CEP57L1: variants seen among roughly 807,000 people sequenced by gnomAD.
The protein encoded by CEP57L1 is centrosomal protein 57 like 1.
In CEP57L1, 37 loss-of-function variants were observed where a neutral mutation model predicts 61.0. That is an observed-to-expected ratio of 0.61 (90% CI 0.47 to 0.80). CEP57L1 has a LOEUF of 0.80. Among genes scored for constraint, CEP57L1 ranks in the 30% least tolerant of loss-of-function variants. CEP57L1 has a pLI of 0.00. For synonymous variants in CEP57L1, 137 were observed against 162.3 expected (o/e 0.84, Z 1.19); for missense variants, 422 against 524.7 (o/e 0.80, Z 1.91).
At chr6:109,117,433 T>C (rs996362384) in intron 1 of CEP57L1, among the ~76,000 whole-genome samples, 4 of 152,224 alleles carry the variant, frequency 2.6e-5, no homozygotes, top group Admixed American at 2.6e-4. Context: ...CCTGAGGCTG[T>C]CTTAGCTAGG....
At chr6:109,132,933 A>G (rs371385974) in intron 1 of CEP57L1, among the ~76,000 whole-genome samples, 97 of 151,856 alleles carry the variant, frequency 6.4e-4, no homozygotes, top group African/African-American at 2.1e-3. Flanking sequence ...TATTTTTTCT[A>G]TTGGGTTTTG....
chr6:109,103,444 A>G (rs1386085606), intron 1 of CEP57L1, among the ~76,000 whole-genome samples: 1 of 152,202 alleles, frequency 6.6e-6, no homozygotes, highest in Non-Finnish European at 1.5e-5. Flanking sequence ...GAATTCCTTA[A>G]CAAGATTGAT....
chr6:109,164,651 C>G lies in CEP57L1; in HGVS notation c.*1681C>G, dbSNP rs1326127175. ...TTTTGCTAAACTTTTTAGCTTTCTGCTATCCACCAGGACCATAATGCAGAC... is the reference window on the plus strand; with the variant it reads ...TTTTGCTAAACTTTTTAGCTTTCTGGTATCCACCAGGACCATAATGCAGAC... On this transcript the variant is annotated 3_prime_UTR_variant, in exon 11 of 11. Transcript: ENST00000517392. 6.6e-6 allele frequency among the ~76,000 whole-genome samples: 1 copy of G among 152,138 alleles called. No homozygotes were observed. The highest frequency in any genetic ancestry group is 1.5e-5 in the Non-Finnish European group (1 of 68,028).
At chr6:109,125,524 A>ATATACACATATATCTATATAT (rs1562524338) in intron 1 of CEP57L1, among the ~76,000 whole-genome samples, 1 of 143,002 alleles carries the variant, frequency 7.0e-6, no homozygotes, top group African/African-American at 2.6e-5. Flanking sequence ...ATATATATAT[A>ATATACACATATATCTATATAT]TTTTTTTTTT....
rs909295246 is a variant in CEP57L1 at position 109,135,096 on chromosome 6, G to A, written c.-3-10123G>A. Among the ~76,000 whole-genome samples the A allele has an allele frequency of 2.6e-4, 40 of 152,100 alleles. No individual in the cohort carries two copies. The South Asian group carries it at 7.1e-3, about 27-fold the overall frequency. On this transcript the variant is annotated intron_variant, in intron 1 of 10. Coordinates refer to ENST00000517392, the MANE Select transcript of CEP57L1 (RefSeq NM_001271852.3). ...TTCATATGGAACCAAAAAAGAGCCC[G>A]CATCGCCAAGTCAATCCTAAGCCAA...
intron 1 of CEP57L1, among the ~76,000 whole-genome samples, chr6:109,101,741 T>C (rs971888940): frequency 6.6e-6 from 1 of 151,412 alleles, no homozygotes; most frequent in African/African-American, 2.4e-5. Context: ...TGCCTCAGCC[T>C]CCTGAGTAGC....
intron 1 of CEP57L1, among the ~76,000 whole-genome samples, chr6:109,104,803 T>C (rs1290249231): frequency 6.6e-6 from 1 of 152,002 alleles, no homozygotes; most frequent in East Asian, 1.9e-4. Context: ...CCCAGGCTGA[T>C]CTTGAACTCC....
chr6:109,153,156 A>G (rs182076221), intron 4 of CEP57L1, among the ~76,000 whole-genome samples: 64 of 150,568 alleles, frequency 4.3e-4, no homozygotes, highest in African/African-American at 1.5e-3. Context: ...CCATAATAGA[A>G]TTAATTTATA....
rs1479878362 is a variant in CEP57L1, at chr6:109,155,806, G to T, written c.673G>T (p.Glu225Ter). The change falls in exon 7 of 11, where the codon GAA becomes TAA. Residue 225 changes from glutamate (E) to a stop codon, truncating the protein, a stop_gained. Transcript: ENST00000517392. LOFTEE classifies it high-confidence loss of function. ...AATATTACAGCTTCAAACTGGACTT[G>T]AAATCAGTAAAATTATAATGTCTTC... is the stretch of plus-strand genomic sequence containing the variant. ...DKASELQTGL[E>*]ISKIIMSSVS... is the part of the protein sequence containing the mutation. 1.3e-6 allele frequency: 2 copies of T among 1,553,872 alleles called. No individual in the cohort carries two copies. The highest frequency in any genetic ancestry group is 1.8e-6 in the Non-Finnish European group (2 of 1,132,692).
chr6:109,108,576 G>A (rs571896008), intron 1 of CEP57L1, among the ~76,000 whole-genome samples: 15 of 152,168 alleles, frequency 9.9e-5, no homozygotes, highest in African/African-American at 3.4e-4. Flanking sequence ...TCAAAAAGGG[G>A]TAGATGATAC....
At chr6:109,137,638 T>C (rs1388241980) in intron 1 of CEP57L1, among the ~76,000 whole-genome samples, 1 of 152,224 alleles carries the variant, frequency 6.6e-6, no homozygotes, top group East Asian at 1.9e-4. Flanking sequence ...TTTTACAGTA[T>C]ATGATTGTCA....
At chr6:109,121,913 C>A (rs866761104) in intron 1 of CEP57L1, among the ~76,000 whole-genome samples, 1 of 151,920 alleles carries the variant, frequency 6.6e-6, no homozygotes, top group Admixed American at 6.6e-5. Flanking sequence ...TTTGAGAACC[C>A]GAAAATAACC....
rs182622978 is a variant in CEP57L1, at chr6:109,131,114, C to T, written c.-3-14105C>T. Among the ~76,000 whole-genome samples the T allele has an allele frequency of 1.1e-3, 162 of 152,102 alleles. 2 individuals carry two copies. The highest frequency in any genetic ancestry group is 3.6e-3 in the African/African-American group (148 of 41,500). On this transcript the variant is annotated intron_variant, in intron 1 of 10. Coordinates refer to ENST00000517392, the MANE Select transcript of CEP57L1 (RefSeq NM_001271852.3). ...ATAAATTACATTAAGTAGATCAATTCGAATGTCAAAAGATCAGTATATTAA... is the reference window on the plus strand; with the variant it reads ...ATAAATTACATTAAGTAGATCAATTTGAATGTCAAAAGATCAGTATATTAA...
chr6:109,148,738 A>C (rs565549510), intron 3 of CEP57L1, among the ~76,000 whole-genome samples: 1 of 151,876 alleles, frequency 6.6e-6, no homozygotes, highest in Non-Finnish European at 1.5e-5. Flanking sequence ...CCCACCAACA[A>C]TGTAAAAGTG....
chr6:109,158,993 C>A (rs1773471728), intron 7 of CEP57L1, 32 bp from the exon 8 acceptor site: 1 of 1,578,182 alleles, frequency 6.3e-7, no homozygotes. Context: ...AAAATAATTT[C>A]TTGTTTACGT....
intron 1 of CEP57L1, among the ~76,000 whole-genome samples, chr6:109,120,919 C>T (rs1485578440): frequency 1.8e-5 from 1 of 54,516 alleles, no homozygotes; most frequent in African/African-American, 5.2e-5. Flanking sequence ...CACGCACACA[C>T]ACACACACAC....
chr6:109,116,406 AC>A, intron 1 of CEP57L1, among the ~76,000 whole-genome samples: 1 of 152,102 alleles, frequency 6.6e-6, no homozygotes, highest in East Asian at 1.9e-4. Context: ...CAAACTCCCT[AC>A]CTCAGGTGAT....
intron 1 of CEP57L1, among the ~76,000 whole-genome samples, chr6:109,102,027 A>T (rs1345956387): frequency 1.3e-5 from 2 of 152,036 alleles, no homozygotes; most frequent in Non-Finnish European, 2.9e-5. Context: ...AGTGTTTTGG[A>T]CTTTAGCTGT....
intron 1 of CEP57L1, among the ~76,000 whole-genome samples, chr6:109,130,377 A>G (rs1217545671): frequency 6.6e-6 from 1 of 151,264 alleles, no homozygotes; most frequent in African/African-American, 2.4e-5. Context: ...TCATATCTTC[A>G]AGGTTCATCA....
Sources: gnomAD v4.1 joint callset for allele counts (sites outside exome capture counted in the v4.1 genomes callset) on GRCh38, gnomAD v4.1.1 for gene constraint, MANE v1.5 for transcripts, NCBI Gene and HGNC (gene_info 2026-07-23, HGNC 2026-07-21) for gene names.